ACOT11: variants seen among roughly 807,000 people sequenced by gnomAD.
ACOT11 encodes the protein acyl-coenzyme A thioesterase 11.
A neutral mutation model predicts 77.5 loss-of-function variants in ACOT11; 69 were observed. The ratio of observed to expected loss-of-function variants is 0.89; its 90% CI spans 0.73 to 1.09. The LOEUF is 1.09. ACOT11 is among the 50% of genes least tolerant of loss of function. The probability of loss-of-function intolerance (pLI) is 0.00; values close to 1 mark genes in which losing one functional copy is unlikely to be tolerated. For missense variants in ACOT11, 766 were observed against 813.7 expected, an observed-to-expected ratio of 0.94 and a Z score of 0.71; for synonymous variants, 279 against 313.0, an observed-to-expected ratio of 0.89 and a Z score of 1.15.
intron 9 of ACOT11, 30 bp downstream of exon 9, chr1:54,601,443 G>T: frequency 6.2e-7 from 1 of 1,602,162 alleles, no homozygotes; most frequent in Non-Finnish European, 8.5e-7. Flanking sequence ...TGCCCCACCA[G>T]CAGCTCCCCT....
chr1:54,631,541 G>A (rs1464528761), intron 16 of ACOT11, among the ~76,000 whole-genome samples: 1 of 152,090 alleles, frequency 6.6e-6, no homozygotes, highest in East Asian at 1.9e-4. Flanking sequence ...CAGGTTGCTC[G>A]CAATGCCCAG....
At chr1:54,582,488 T>G in intron 1 of ACOT11, 1 of 985,360 alleles carries the variant, frequency 1.0e-6, no homozygotes. Context: ...AATGAACCAG[T>G]GAGCAAGGCA....
chr1:54,608,692 G>A (rs1201199064), intron 15 of ACOT11, among the ~76,000 whole-genome samples: 4 of 152,180 alleles, frequency 2.6e-5, no homozygotes, highest in African/African-American at 9.7e-5. Context: ...CTGGCTGGCG[G>A]GGAAGATGCA....
At chr1:54,598,345 A>C (rs1643913714) in intron 7 of ACOT11, 1 of 152,288 alleles carries the variant, frequency 6.6e-6, no homozygotes, top group African/African-American at 2.4e-5. Flanking sequence ...GTTGGAAGGA[A>C]AATGGGAAAG....
At chr1:54,601,889 G>A (rs1305750228) in intron 9 of ACOT11, among the ~76,000 whole-genome samples, 3 of 152,216 alleles carry the variant, frequency 2.0e-5, no homozygotes, top group Non-Finnish European at 4.4e-5. Flanking sequence ...TGAAAGCAAC[G>A]CAAGGGGCAC....
chr1:54,584,212 G>A lies in ACOT11; in HGVS notation c.34-443G>A, dbSNP rs992314027. Among the ~76,000 whole-genome samples the A allele has an allele frequency of 3.3e-5, 5 of 152,092 alleles. No individual in the cohort carries two copies. The highest frequency in any genetic ancestry group is 5.9e-5 in the Non-Finnish European group (4 of 68,022). ...AGCCCTTTGGGGATGAAATCAGAGC[G>A]GCTTCTTGAAACACTGTATTAGGAA... On this transcript the variant is annotated intron_variant, in intron 1 of 15. Coordinates refer to ENST00000343744, the MANE Select transcript of ACOT11 (RefSeq NM_147161.4). This position sits in a 1 kb window ranked among gnomAD's most constrained non-coding sequence, Gnocchi z 6.3.
At chr1:54,624,321 G>GGT (rs1212205380) in intron 15 of ACOT11, among the ~76,000 whole-genome samples, 2 of 151,946 alleles carry the variant, frequency 1.3e-5, no homozygotes, top group Admixed American at 1.3e-4. Flanking sequence ...TGTGTGAAAG[G>GGT]GTGTCTAGAA....
At position 54,575,105 on chromosome 1, in the gene ACOT11, C is replaced by A. The variant is rs1654061857; in HGVS notation, c.34-9550C>A. ...GGCTCAGTTTCTCCACCCATACAAGCAAGCAGGTGTCTTCAAAGCCCTATT... is the reference window on the plus strand; with the variant it reads ...GGCTCAGTTTCTCCACCCATACAAGAAAGCAGGTGTCTTCAAAGCCCTATT... On this transcript the variant is annotated intron_variant, in intron 1 of 15. Transcript: ENST00000343744. Among the ~76,000 whole-genome samples the A allele has an allele frequency of 2.1e-5, 3 of 144,508 alleles. No individual in the cohort carries two copies. In the South Asian group the frequency reaches 6.3e-4, roughly 30 times the overall value. 94.8% of individuals were successfully genotyped at this position (144,508 alleles called of 152,430 possible).
chr1:54,605,001 C>G, intron 12 of ACOT11, 75 bp from the exon 13 acceptor site: 1 of 1,492,878 alleles, frequency 6.7e-7, no homozygotes, highest in South Asian at 1.3e-5. Flanking sequence ...CCCTGAGCTT[C>G]CAGTCTCAGC....
intron 3 of ACOT11, among the ~76,000 whole-genome samples, chr1:54,590,883 T>C (rs1269948777): frequency 3.9e-5 from 6 of 152,198 alleles, no homozygotes; most frequent in Non-Finnish European, 7.3e-5. Flanking sequence ...GCCTCCCAAG[T>C]AGCTGGAATT....
chr1:54,617,709 A>ATTT (rs56229276), intron 15 of ACOT11, among the ~76,000 whole-genome samples: 3,602 of 55,744 alleles, frequency 0.065, 860 homozygotes, highest in Non-Finnish European at 0.09. Flanking sequence ...AGGGCCTGAG[A>ATTT]TTTTTTTTTT....
At chr1:54,604,000 T>C in intron 11 of ACOT11, 63 bp downstream of exon 11, 1 of 1,490,888 alleles carries the variant, frequency 6.7e-7, no homozygotes, top group South Asian at 1.1e-5. Flanking sequence ...CTTCCCTGCT[T>C]GTCAGAACGG....
chr1:54,566,737 C>T (rs974335129), intron 1 of ACOT11, among the ~76,000 whole-genome samples: 3 of 152,080 alleles, frequency 2.0e-5, no homozygotes, highest in Admixed American at 1.3e-4. Context: ...ACTGGCACCT[C>T]GGTGGGGAGT....
chr1:54,605,239 G>T (rs756507071), intron 13 of ACOT11, 30 bp downstream of exon 13: 19 of 1,606,450 alleles, frequency 1.2e-5, no homozygotes, highest in Non-Finnish European at 1.5e-5. Flanking sequence ...GCAGGGCAGT[G>T]TCCCTTCTCC....
chr1:54,604,198 A>G, intron 11 of ACOT11, 148 bp from the exon 12 acceptor site: 1 of 729,140 alleles, frequency 1.4e-6, no homozygotes, highest in Non-Finnish European at 2.3e-6. Flanking sequence ...CTCAACGCCC[A>G]GGACTCTTTC....
chr1:54,622,106 T>A (rs1226391832), intron 15 of ACOT11, among the ~76,000 whole-genome samples: 1 of 144,866 alleles, frequency 6.9e-6, no homozygotes, highest in Non-Finnish European at 1.5e-5. Context: ...AAACCCCGTC[T>A]CTAGTAAAAA....
intron 16 of ACOT11, chr1:54,631,028 A>G (rs1019731405): frequency 4.7e-6 from 2 of 427,368 alleles, no homozygotes; most frequent in Non-Finnish European, 8.5e-6. Context: ...GTTACAGAGC[A>G]TGTTTATTTG....
At chr1:54,554,847 C>A (rs535539833) in intron 1 of ACOT11, among the ~76,000 whole-genome samples, 7 of 152,290 alleles carry the variant, frequency 4.6e-5, no homozygotes, top group African/African-American at 1.4e-4. Context: ...TTTTGAGGAA[C>A]CTCCATACTG....
At chr1:54,612,272 GA>G (rs577037264), downstream of ACOT11, among the ~76,000 whole-genome samples, 80 of 151,952 alleles carry the variant, frequency 5.3e-4, 1 homozygote, top group South Asian at 0.016. Flanking sequence ...AGAGGGCAGA[GA>G]ATTACCCACC....
Sources: gnomAD v4.1 joint callset for allele counts (sites outside exome capture counted in the v4.1 genomes callset) on GRCh38, gnomAD v4.1.1 for gene constraint, Gnocchi (gnomAD v3.1) non-coding constraint, MANE v1.5 for transcripts, NCBI Gene and HGNC (gene_info 2026-07-23, HGNC 2026-07-21) for gene names.